Variants in ASIC2 observed in about 807,000 individuals in gnomAD.
ASIC2 encodes acid sensing ion channel subunit 2, also known as acid-sensing ion channel 2.
A neutral mutation model predicts 57.3 loss-of-function variants in ASIC2; 25 were observed. The ratio of observed to expected loss-of-function variants is 0.44; its 90% CI spans 0.32 to 0.61. The LOEUF (loss-of-function observed/expected upper bound fraction) is 0.61. Ranked by LOEUF, ASIC2 falls within the 20% of genes least tolerant of loss-of-function variation. ASIC2 has a pLI of 0.06. For missense variants in ASIC2, 641 were observed against 738.1 expected (o/e 0.87, Z 1.52); for synonymous variants, 319 against 307.5 (o/e 1.04, Z -0.39).
At chr17:33,984,621 G>C (rs922155123) in intron 1 of ASIC2, among the ~76,000 whole-genome samples, 3 of 152,192 alleles carry the variant, frequency 2.0e-5, no homozygotes, top group African/African-American at 7.2e-5. Context: ...TCACAATTGG[G>C]GGAAAGAGGT....
At chr17:33,786,411 T>TA (rs987080008) in intron 1 of ASIC2, among the ~76,000 whole-genome samples, 39 of 151,876 alleles carry the variant, frequency 2.6e-4, no homozygotes, top group African/African-American at 5.8e-4. Context: ...AATGATGAAT[T>TA]AAAAAAAAGA....
chr17:34,134,339 C>G (rs1912071825), intron 1 of ASIC2, among the ~76,000 whole-genome samples: 1 of 152,146 alleles, frequency 6.6e-6, no homozygotes, highest in African/African-American at 2.4e-5. Flanking sequence ...GTCAAATGCC[C>G]CAAAGTCCCC....
intron 1 of ASIC2, among the ~76,000 whole-genome samples, chr17:33,221,646 C>T (rs543656403): frequency 6.6e-6 from 1 of 152,256 alleles, no homozygotes; most frequent in South Asian, 2.1e-4. Flanking sequence ...ATAAAAGAGC[C>T]ATAATGTGCA....
chr17:33,434,117 A>T (rs1597726834), intron 1 of ASIC2, among the ~76,000 whole-genome samples: 2 of 152,008 alleles, frequency 1.3e-5, no homozygotes, highest in East Asian at 1.9e-4. Flanking sequence ...CTCCTCTCAA[A>T]AAATAAATAA....
intron 1 of ASIC2, among the ~76,000 whole-genome samples, chr17:33,164,026 G>C (rs944978572): frequency 6.6e-6 from 1 of 152,204 alleles, no homozygotes; most frequent in Non-Finnish European, 1.5e-5. Flanking sequence ...GCTCTGAGAG[G>C]CTGAGCATCT....
chr17:33,968,146 A>G (rs989650106), intron 1 of ASIC2, among the ~76,000 whole-genome samples: 1 of 152,138 alleles, frequency 6.6e-6, no homozygotes, highest in African/African-American at 2.4e-5. Flanking sequence ...CCCTTCCTCC[A>G]CATCCCCATG....
Position 33,839,583 on chromosome 17 carries a change from C to G in ASIC2, c.555+316395G>C, listed in dbSNP as rs144039610. On this transcript the variant is annotated intron_variant, in intron 1 of 9. Coordinates refer to the ASIC2 transcript ENST00000359872. The stretch of plus-strand genomic sequence containing the variant: ...GCTCGCTCTAGGGTGACCAATTGTC[C>G]CCATTTTCCTAAGTCTGTTTCCCAT... Among the ~76,000 whole-genome samples, 124 of 152,270 alleles carry G rather than the reference C, an allele frequency of 8.1e-4. No individual in the cohort carries two copies. The Middle Eastern group carries it at 0.024, about 29-fold the overall frequency.
At chr17:33,882,488 C>T (rs1914726706) in intron 1 of ASIC2, among the ~76,000 whole-genome samples, 2 of 152,194 alleles carry the variant, frequency 1.3e-5, no homozygotes, top group South Asian at 4.1e-4. Flanking sequence ...GACATTTATG[C>T]AGCCAACAGA....
At chr17:33,962,179 A>G (rs2141992730) in intron 1 of ASIC2, among the ~76,000 whole-genome samples, 1 of 152,328 alleles carries the variant, frequency 6.6e-6, no homozygotes, top group South Asian at 2.1e-4. Context: ...AAAGAGACCA[A>G]GGGCCCCACA....
intron 1 of ASIC2, among the ~76,000 whole-genome samples, chr17:33,447,843 A>G (rs1257065759): frequency 6.6e-6 from 1 of 151,184 alleles, no homozygotes; most frequent in Non-Finnish European, 1.5e-5. Flanking sequence ...TAGCTAGAAG[A>G]GAATAATTCA....
rs376712538 is a variant in ASIC2 at position 33,290,904 on chromosome 17, T to C, written c.708+504A>G. 9.7e-4 allele frequency: 150 copies of C among 154,126 alleles called. 1 individual carries two copies. Among genetic ancestry groups the C allele is most frequent in the African/African-American group, 3.6e-3 (149 of 41,562 alleles). The allele number at this position is 154,126 out of a possible 1,614,324, so 9.5% of individuals were successfully genotyped here. On this transcript the variant is annotated intron_variant, in intron 1 of 9. Coordinates refer to ENST00000225823, the MANE Select transcript of ASIC2 (RefSeq NM_183377.2). ...TGAAGACATAAGCTGCTTCGGATCG[T>C]AGGCCTGCTTAGGGACTCTGCGTGA...
intron 1 of ASIC2, among the ~76,000 whole-genome samples, chr17:33,502,667 C>T (rs914132610): frequency 6.6e-6 from 1 of 152,220 alleles, no homozygotes; most frequent in African/African-American, 2.4e-5. Context: ...GGGTTACAAT[C>T]CCAACCATGC....
chr17:33,505,393 T>C (rs1225340868), intron 1 of ASIC2, among the ~76,000 whole-genome samples: 3 of 152,172 alleles, frequency 2.0e-5, no homozygotes, highest in African/African-American at 7.2e-5. Flanking sequence ...GATGCTACCA[T>C]ACAACTATCT....
chr17:33,348,045 T>C (rs1173437687), intron 1 of ASIC2, among the ~76,000 whole-genome samples: 1 of 152,164 alleles, frequency 6.6e-6, no homozygotes. Flanking sequence ...GAGGTTGCAG[T>C]GAGCCGAGAT....
chr17:33,298,540 T>A (rs1056795468), intron 1 of ASIC2, among the ~76,000 whole-genome samples: 13 of 152,218 alleles, frequency 8.5e-5, no homozygotes, highest in African/African-American at 2.9e-4. Flanking sequence ...CTCTTGTGAA[T>A]AGTGCCGCAA....
At chr17:33,079,442 T>G (rs949665944) in intron 3 of ASIC2, among the ~76,000 whole-genome samples, 17 of 150,732 alleles carry the variant, frequency 1.1e-4, no homozygotes, top group African/African-American at 3.2e-4. Flanking sequence ...GTGGCTGGGG[T>G]GTTGTGTGGG....
At chr17:33,736,854 T>A (rs1286296468) in intron 1 of ASIC2, among the ~76,000 whole-genome samples, 1 of 152,260 alleles carries the variant, frequency 6.6e-6, no homozygotes, top group Non-Finnish European at 1.5e-5. Context: ...AACGTGCTTT[T>A]ATTCACAAAG....
At chr17:33,559,733 T>C (rs1413753998) in intron 1 of ASIC2, among the ~76,000 whole-genome samples, 4 of 152,158 alleles carry the variant, frequency 2.6e-5, no homozygotes, top group Non-Finnish European at 5.9e-5. Flanking sequence ...AATGACCCCT[T>C]ATTGCTTTGA....
At chr17:33,716,271 C>T (rs927877540) in intron 1 of ASIC2, among the ~76,000 whole-genome samples, 2 of 152,180 alleles carry the variant, frequency 1.3e-5, no homozygotes, top group Non-Finnish European at 2.9e-5. Context: ...TCCTTAAAAC[C>T]TTCAATGATT....
Sources: gnomAD v4.1 joint callset for allele counts (sites outside exome capture counted in the v4.1 genomes callset) on GRCh38, gnomAD v4.1.1 for gene constraint, MANE v1.5 for transcripts, NCBI Gene and HGNC (gene_info 2026-07-23, HGNC 2026-07-21) for gene names.